Variants in METTL15 observed in about 807,000 individuals in gnomAD.
METTL15 encodes the protein 12S rRNA N(4)-cytidine methyltransferase METTL15.
METTL15 carries 34 observed loss-of-function variants against 38.3 expected under a neutral mutation model. The observed-to-expected ratio is 0.89, with a 90% confidence interval of 0.68 to 1.18. The LOEUF (loss-of-function observed/expected upper bound fraction) is 1.18, where lower values mean the gene tolerates loss of function less well. Ranked by LOEUF, METTL15 falls within the 50% of genes most tolerant of loss-of-function variation. The pLI, the probability that METTL15 is intolerant of heterozygous loss-of-function variation, is 0.00. For missense variants in METTL15, 438 were observed against 498.4 expected, an observed-to-expected ratio of 0.88 and a Z score of 1.15; for synonymous variants, 162 against 170.9, an observed-to-expected ratio of 0.95 and a Z score of 0.41.
intron 3 of METTL15, among the ~76,000 whole-genome samples, chr11:28,195,719 T>G (rs1851885286): frequency 6.6e-6 from 1 of 152,040 alleles, no homozygotes; most frequent in African/African-American, 2.4e-5. Flanking sequence ...TTTAGTTAGG[T>G]CTCATTTATT....
intron 6 of METTL15, among the ~76,000 whole-genome samples, chr11:28,470,756 T>G (rs1304555477): frequency 6.6e-6 from 1 of 152,146 alleles, no homozygotes; most frequent in Non-Finnish European, 1.5e-5. Context: ...CATGTTCAGC[T>G]ACTTGAACCA....
At chr11:28,260,581 C>T (rs1465391507) in intron 4 of METTL15, among the ~76,000 whole-genome samples, 3 of 152,092 alleles carry the variant, frequency 2.0e-5, no homozygotes, top group Non-Finnish European at 4.4e-5. Context: ...CTGATTCGTT[C>T]CCAGAGCAAA....
intron 4 of METTL15, among the ~76,000 whole-genome samples, chr11:28,212,462 G>T (rs1852682675): frequency 6.6e-6 from 1 of 152,108 alleles, no homozygotes; most frequent in Admixed American, 6.5e-5. Flanking sequence ...GTTATGATGT[G>T]AACATTCATG....
At chr11:28,494,729 T>C (rs4370918) in intron 6 of METTL15, among the ~76,000 whole-genome samples, 1 of 152,164 alleles carries the variant, frequency 6.6e-6, no homozygotes, top group Non-Finnish European at 1.5e-5. Flanking sequence ...TCATGAGATC[T>C]GATGGTTTTA....
chr11:28,248,854 CA>C (rs557167679), intron 4 of METTL15, among the ~76,000 whole-genome samples: 1 of 151,790 alleles, frequency 6.6e-6, no homozygotes, highest in Non-Finnish European at 1.5e-5. Flanking sequence ...ACTTATCTTC[CA>C]ACATGCCACT....
chr11:28,218,520 T>C (rs1265664004), intron 4 of METTL15, among the ~76,000 whole-genome samples: 1 of 152,172 alleles, frequency 6.6e-6, no homozygotes, highest in Non-Finnish European at 1.5e-5. Context: ...ACAATTTGAC[T>C]TCCTGTTTTC....
intron 3 of METTL15, among the ~76,000 whole-genome samples, chr11:28,117,315 A>G: frequency 6.8e-6 from 1 of 147,730 alleles, no homozygotes; most frequent in African/African-American, 2.5e-5. Flanking sequence ...GGATAGGGGC[A>G]GTTAGTAAAA....
At chr11:28,171,516 A>G (rs533164551) in intron 3 of METTL15, among the ~76,000 whole-genome samples, 1 of 152,288 alleles carries the variant, frequency 6.6e-6, no homozygotes, top group South Asian at 2.1e-4. Flanking sequence ...AATTGTAGGT[A>G]ATTCTGACTT....
intron 3 of METTL15, among the ~76,000 whole-genome samples, chr11:28,201,215 C>T (rs1277131027): frequency 6.6e-6 from 1 of 151,918 alleles, no homozygotes; most frequent in African/African-American, 2.4e-5. Flanking sequence ...TTATGTTGAA[C>T]CAGCCTTACA....
chr11:28,155,292 A>G (rs1221354245), intron 3 of METTL15, among the ~76,000 whole-genome samples: 1 of 152,176 alleles, frequency 6.6e-6, no homozygotes, highest in African/African-American at 2.4e-5. Flanking sequence ...TTTGTTAGGC[A>G]TTGAAGAAAA....
At chr11:28,391,094 T>C (rs1023464406) in intron 5 of METTL15, among the ~76,000 whole-genome samples, 1 of 152,154 alleles carries the variant, frequency 6.6e-6, no homozygotes, top group African/African-American at 2.4e-5. Context: ...CCTGAGACTT[T>C]GCTGAAGTTG....
chr11:28,196,890 A>G (rs1851930057), intron 3 of METTL15, among the ~76,000 whole-genome samples: 1 of 152,000 alleles, frequency 6.6e-6, no homozygotes, highest in South Asian at 2.1e-4. Flanking sequence ...CTATTGTTCA[A>G]TTCATCGTCC....
At chr11:28,289,499 T>C (rs1856424882) in intron 4 of METTL15, among the ~76,000 whole-genome samples, 1 of 152,098 alleles carries the variant, frequency 6.6e-6, no homozygotes, top group Non-Finnish European at 1.5e-5. Context: ...CCAAAATGCA[T>C]GCTAGTTGCC....
intron 5 of METTL15, among the ~76,000 whole-genome samples, chr11:28,398,283 CAA>C (rs894394887): frequency 2.0e-5 from 3 of 151,528 alleles, no homozygotes; most frequent in African/African-American, 4.8e-5. Flanking sequence ...AAATAATAAA[CAA>C]AAATTGATAA....
At chr11:28,160,337 ATTG>A (rs1435808738) in intron 3 of METTL15, among the ~76,000 whole-genome samples, 2 of 151,826 alleles carry the variant, frequency 1.3e-5, no homozygotes, top group Non-Finnish European at 2.9e-5. Context: ...ATACAAGCCT[ATTG>A]TTGGGAAGTG....
At chr11:28,453,007 G>A (rs1360562654) in intron 6 of METTL15, among the ~76,000 whole-genome samples, 1 of 152,126 alleles carries the variant, frequency 6.6e-6, no homozygotes, top group Non-Finnish European at 1.5e-5. Context: ...CTCCTTAGAA[G>A]CCATTTTCCA....
At chr11:28,296,683 T>G in intron 5 of METTL15, 70 bp from the exon 6 acceptor site, 1 of 1,530,922 alleles carries the variant, frequency 6.5e-7, no homozygotes, top group Non-Finnish European at 9.0e-7. Flanking sequence ...TATGTCTCAG[T>G]ACTCTGAAGT....
At chr11:28,173,111 T>C (rs1417416970) in intron 3 of METTL15, among the ~76,000 whole-genome samples, 1 of 152,202 alleles carries the variant, frequency 6.6e-6, no homozygotes, top group Non-Finnish European at 1.5e-5. Context: ...AAATTTTTAA[T>C]ATAGATTTTG....
intron 4 of METTL15, among the ~76,000 whole-genome samples, chr11:28,275,299 T>TA (rs1169540617): frequency 2.6e-5 from 4 of 151,078 alleles, no homozygotes; most frequent in Admixed American, 2.6e-4. Context: ...AACACAGAAA[T>TA]AAAAAAAGAT....
Sources: gnomAD v4.1 joint callset for allele counts (sites outside exome capture counted in the v4.1 genomes callset) on GRCh38, gnomAD v4.1.1 for gene constraint, MANE v1.5 for transcripts, NCBI Gene and HGNC (gene_info 2026-07-23, HGNC 2026-07-21) for gene names.